The following SSPN variants were observed in gnomAD, a reference collection of about 807,000 sequenced individuals.
SSPN encodes sarcospan.
Under a neutral mutation model 19.1 loss-of-function variants are expected in SSPN, and 15 were observed. That is an observed-to-expected ratio of 0.78 (90% CI 0.52 to 1.21). The LOEUF is 1.21. Ranked by LOEUF, SSPN falls within the 50% of genes most tolerant of loss-of-function variation. The pLI, the probability that SSPN is intolerant of heterozygous loss-of-function variation, is 0.00. For synonymous variants in SSPN, 147 were observed against 140.3 expected (o/e 1.05, Z -0.34); for missense variants, 291 against 314.0 (o/e 0.93, Z 0.55).
chr12:26,221,315 G>T (rs760876079), intron 1 of SSPN, among the ~76,000 whole-genome samples: 4 of 152,164 alleles, frequency 2.6e-5, no homozygotes, highest in Admixed American at 1.3e-4. Context: ...TTCCTTCTGG[G>T]TATTCCTATA....
chr12:26,124,663 G>A (rs1591840045), intron 1 of SSPN: 2 of 1,613,112 alleles, frequency 1.2e-6, no homozygotes, highest in East Asian at 2.2e-5. Flanking sequence ...TTCTGGAGAA[G>A]AAAAAAATCA....
At position 26,201,009 on chromosome 12, in the gene SSPN, G is replaced by GTATATATATATATATATATATATTA. The variant is rs1555179502; in HGVS notation, c.279+5059_279+5060insATATATATATATATATATATATTAT. Among the ~76,000 whole-genome samples the GTATATATATATATATATATATATTA allele has an allele frequency of 1.1e-4, 5 of 47,384 alleles. 1 individual carries two copies. The highest frequency in any genetic ancestry group is 3.7e-4 in the African/African-American group (5 of 13,528). 31.1% of individuals were successfully genotyped at this position (47,384 alleles called of 152,430 possible). On this transcript the variant is annotated intron_variant, in intron 1 of 2. Coordinates refer to ENST00000242729, the MANE Select transcript of SSPN (RefSeq NM_005086.5). Reference sequence around the variant, plus strand: ...TTATTCTGGCAAAAGAAGTTAATTTGTGTATATATATATATATATATATAT... The same window carrying GTATATATATATATATATATATATTA: ...TTATTCTGGCAAAAGAAGTTAATTTGTATATATATATATATATATATATTATGTATATATATATATATATATATAT...
Position 26,231,830 on chromosome 12 carries a change from T to C in SSPN, c.*754T>C, listed in dbSNP as rs1945236709. On this transcript the variant is annotated 3_prime_UTR_variant, in exon 3 of 3. Coordinates refer to ENST00000242729, the MANE Select transcript of SSPN (RefSeq NM_005086.5). ...ATAATTACATTATGCTTCTATTCTA[T>C]CATCTAAAACAAATCATTAAAACTA... 2 of 570,024 alleles carry C rather than the reference T, an allele frequency of 3.5e-6. No individual in the cohort carries two copies. Among genetic ancestry groups the C allele is most frequent in the Admixed American group, 6.3e-5 (1 of 15,754 alleles). 35.3% of individuals were successfully genotyped at this position (570,024 alleles called of 1,614,324 possible).
chr12:26,231,096 G>T lies in SSPN; in HGVS notation c.*20G>T. 1 of 1,597,446 alleles carries T rather than the reference G, an allele frequency of 6.3e-7. No individual in the cohort carries two copies. Among genetic ancestry groups the T allele is most frequent in the Non-Finnish European group, 8.6e-7 (1 of 1,169,524 alleles). ...ATCTAACATTCTTGCTCAAAGTTGCGAGAGAAAGTAGCACATGGAGTAGCT... is the reference window on the plus strand; with the variant it reads ...ATCTAACATTCTTGCTCAAAGTTGCTAGAGAAAGTAGCACATGGAGTAGCT... On this transcript the variant is annotated 3_prime_UTR_variant, in exon 3 of 3. Coordinates refer to ENST00000242729, the MANE Select transcript of SSPN (RefSeq NM_005086.5).
intron 1 of SSPN, among the ~76,000 whole-genome samples, chr12:26,199,438 T>C (rs763696773): frequency 1.3e-5 from 2 of 152,218 alleles, no homozygotes; most frequent in Non-Finnish European, 2.9e-5. Context: ...GTAAAAGTGC[T>C]GTTCATGTAT....
chr12:26,147,263 T>G (rs1420423345), intron 1 of SSPN, among the ~76,000 whole-genome samples: 1 of 95,890 alleles, frequency 1.0e-5, no homozygotes. Context: ...CGATAATTTT[T>G]GGGGTTTTTT....
intron 1 of SSPN, among the ~76,000 whole-genome samples, chr12:26,150,527 G>A (rs1354932901): frequency 1.6e-5 from 2 of 127,716 alleles, no homozygotes; most frequent in South Asian, 2.7e-4. Flanking sequence ...TTCAAAAAGA[G>A]CTCATTTACA....
chr12:26,130,589 T>C (rs562798222), intron 1 of SSPN, among the ~76,000 whole-genome samples: 1 of 152,372 alleles, frequency 6.6e-6, no homozygotes, highest in African/African-American at 2.4e-5. Context: ...TATTAACTTA[T>C]AATCATCATT....
At chr12:26,151,535 T>C (rs1944525552) in intron 1 of SSPN, among the ~76,000 whole-genome samples, 1 of 152,212 alleles carries the variant, frequency 6.6e-6, no homozygotes, top group South Asian at 2.1e-4. Context: ...ATTTATTCAT[T>C]CAACACTAAA....
intron 1 of SSPN, among the ~76,000 whole-genome samples, chr12:26,203,006 T>C (rs1944899846): frequency 6.6e-6 from 1 of 152,166 alleles, no homozygotes; most frequent in Non-Finnish European, 1.5e-5. Context: ...CTTACAGGGC[T>C]GCAGGAGAGA....
chr12:26,194,455 G>A (rs769319154), upstream of SSPN, among the ~76,000 whole-genome samples: 6 of 152,150 alleles, frequency 3.9e-5, no homozygotes, highest in Non-Finnish European at 5.9e-5. Flanking sequence ...CCATGATCAC[G>A]GCTCACTACA....
intron 1 of SSPN, chr12:26,122,477 G>A: frequency 7.5e-7 from 1 of 1,340,874 alleles, no homozygotes; most frequent in Non-Finnish European, 9.6e-7. Flanking sequence ...GCAGGCAGAA[G>A]GGGGCCGCGG....
intron 1 of SSPN, among the ~76,000 whole-genome samples, chr12:26,147,350 GCAA>G (rs1398610092): frequency 1.3e-5 from 2 of 150,346 alleles, no homozygotes; most frequent in African/African-American, 4.9e-5. Flanking sequence ...TTGGCTCACT[GCAA>G]CCTCCGCCTC....
In SSPN at chr12:26,231,020, G is replaced by A; in HGVS notation, c.676G>A (p.Val226Met). 6.2e-7 allele frequency: 1 copy of A among 1,614,218 alleles called. No individual in the cohort carries two copies. Among genetic ancestry groups the A allele is most frequent in the South Asian group, 1.1e-5 (1 of 91,082 alleles). Residue 226 changes from valine (V) to methionine (M), a missense_variant, in exon 3 of 3, where the codon GTG (valine) becomes ATG (methionine). By Grantham distance (21) the Val-to-Met change is conservative (BLOSUM62 1). This residue lies in a region of SSPN where 141 missense variants were observed against 166.7 expected (regional missense o/e 0.85). Coordinates refer to ENST00000242729, the MANE Select transcript of SSPN (RefSeq NM_005086.5). ...MWKHRYQVFY[V>M]GVRICSLTAS... ...GAAACATAGGTACCAGGTCTTCTAT[G>A]TGGGTGTCAGGATATGCTCCCTCAC...
intron 1 of SSPN, among the ~76,000 whole-genome samples, chr12:26,148,017 A>G (rs78990581): frequency 6.6e-6 from 1 of 152,242 alleles, no homozygotes; most frequent in South Asian, 2.1e-4. Context: ...TAAAACAGAC[A>G]TGGCCGGGGA....
chr12:26,127,602 C>A (rs752714414), intron 1 of SSPN, among the ~76,000 whole-genome samples: 1 of 152,172 alleles, frequency 6.6e-6, no homozygotes, highest in Non-Finnish European at 1.5e-5. Flanking sequence ...TTTACATATT[C>A]ACCTTTTAAC....
At chr12:26,190,243 C>G (rs1227792953) in intron 1 of SSPN, among the ~76,000 whole-genome samples, 1 of 152,202 alleles carries the variant, frequency 6.6e-6, no homozygotes, top group East Asian at 1.9e-4. Flanking sequence ...TCAAGTGTTG[C>G]TAAGTGACTT....
intron 1 of SSPN, among the ~76,000 whole-genome samples, chr12:26,127,157 TA>T (rs1372821230): frequency 6.6e-6 from 1 of 152,248 alleles, no homozygotes; most frequent in Non-Finnish European, 1.5e-5. Flanking sequence ...GCTCCAGAGC[TA>T]AATTTCACTT....
chr12:26,186,154 G>A (rs1404185568), intron 1 of SSPN, among the ~76,000 whole-genome samples: 1 of 151,944 alleles, frequency 6.6e-6, no homozygotes, highest in Non-Finnish European at 1.5e-5. Context: ...CAGGTTTTTA[G>A]AGGACTTAAT....
Sources: allele counts gnomAD v4.1 joint callset (sites outside exome capture counted in the v4.1 genomes callset), GRCh38; gene constraint gnomAD v4.1.1; regional missense constraint gnomAD v4.1.1; transcripts MANE v1.5; gene names NCBI Gene and HGNC (gene_info 2026-07-23, HGNC 2026-07-21).